Variants in LARP1 observed in about 807,000 individuals in gnomAD.
The protein encoded by LARP1 is La ribonucleoprotein 1, translational regulator, also known as la-related protein 1.
A neutral mutation model predicts 122.7 loss-of-function variants in LARP1; 36 were observed. The ratio of observed to expected loss-of-function variants is 0.29; its 90% confidence interval spans 0.22 to 0.39. LARP1 has a LOEUF of 0.39. LARP1 is among the 10% of genes least tolerant of loss of function. LARP1 has a pLI of 1.00. For synonymous variants in LARP1, 539 were observed against 528.7 expected, an observed-to-expected ratio of 1.02 and a Z score of -0.27; for missense variants, 1,040 against 1,403.6, an observed-to-expected ratio of 0.74 and a Z score of 4.14.
chr5:154,688,767 A>T (rs1754054934), intron 1 of LARP1, among the ~76,000 whole-genome samples: 1 of 151,874 alleles, frequency 6.6e-6, no homozygotes, highest in Non-Finnish European at 1.5e-5. Context: ...TTGAGGCTGC[A>T]GTGAGCCATG....
At chr5:154,800,642 TAAAG>T (rs1758275225) in intron 10 of LARP1, among the ~76,000 whole-genome samples, 3 of 152,236 alleles carry the variant, frequency 2.0e-5, no homozygotes, top group Admixed American at 2.0e-4. Context: ...AGTTCACTGT[TAAAG>T]AAGTATTGCA....
intron 15 of LARP1, 35 bp downstream of exon 15, chr5:154,806,067 G>A: frequency 6.2e-7 from 1 of 1,607,340 alleles, no homozygotes; most frequent in Non-Finnish European, 8.5e-7. Context: ...TGAGCCTCTG[G>A]GCCCGTTATT....
At chr5:154,736,470 A>G in intron 1 of LARP1, among the ~76,000 whole-genome samples, 1 of 151,934 alleles carries the variant, frequency 6.6e-6, no homozygotes, top group Non-Finnish European at 1.5e-5. Flanking sequence ...GCCTCAAGGG[A>G]TCCTCCTACT....
chr5:154,698,670 A>G (rs1474043417), intron 1 of LARP1, among the ~76,000 whole-genome samples: 1 of 152,216 alleles, frequency 6.6e-6, no homozygotes, highest in Non-Finnish European at 1.5e-5. Flanking sequence ...ACTAAAAACA[A>G]TTGAACTTAC....
chr5:154,806,848 T>C (rs889134014), intron 15 of LARP1, among the ~76,000 whole-genome samples: 1 of 152,220 alleles, frequency 6.6e-6, no homozygotes, highest in African/African-American at 2.4e-5. Flanking sequence ...ACCTAAAGAA[T>C]ACAATGTAAT....
intron 1 of LARP1, among the ~76,000 whole-genome samples, chr5:154,789,361 G>C (rs1054873054): frequency 6.6e-6 from 1 of 150,506 alleles, no homozygotes; most frequent in African/African-American, 2.4e-5. Flanking sequence ...CTGGGATTAC[G>C]GGCGCCCACC....
At chr5:154,749,407 C>G (rs1348643418) in intron 1 of LARP1, among the ~76,000 whole-genome samples, 1 of 152,196 alleles carries the variant, frequency 6.6e-6, no homozygotes, top group Non-Finnish European at 1.5e-5. Flanking sequence ...TCCTTGACCA[C>G]CCCTCTTCCT....
chr5:154,766,745 G>A (rs1754988709), intron 1 of LARP1, among the ~76,000 whole-genome samples: 2 of 152,168 alleles, frequency 1.3e-5, no homozygotes, highest in African/African-American at 4.8e-5. Flanking sequence ...TGAGAACAGT[G>A]GGTTTGCATT....
At chr5:154,798,425 A>C (rs541290275) in intron 8 of LARP1, among the ~76,000 whole-genome samples, 2 of 152,232 alleles carry the variant, frequency 1.3e-5, no homozygotes, top group African/African-American at 4.8e-5. Flanking sequence ...GTAGCAGTAT[A>C]TAATAGAAAG....
intron 1 of LARP1, among the ~76,000 whole-genome samples, chr5:154,769,072 C>T (rs896147887): frequency 6.6e-6 from 1 of 152,196 alleles, no homozygotes; most frequent in Admixed American, 6.5e-5. Flanking sequence ...CTCCTGACCT[C>T]AGGTGATTCG....
intron 1 of LARP1, among the ~76,000 whole-genome samples, chr5:154,772,677 A>G (rs1755537886): frequency 6.6e-6 from 1 of 152,160 alleles, no homozygotes; most frequent in Admixed American, 6.5e-5. Flanking sequence ...CTCCTTCTCA[A>G]AATATCTTTT....
intron 15 of LARP1, among the ~76,000 whole-genome samples, chr5:154,807,246 G>T (rs1383012372): frequency 6.6e-6 from 1 of 152,106 alleles, no homozygotes; most frequent in Non-Finnish European, 1.5e-5. Context: ...CAGTTGATTG[G>T]CATTTGGGTT....
chr5:154,711,747 T>C (rs953478994), upstream of LARP1, among the ~76,000 whole-genome samples: 4 of 152,190 alleles, frequency 2.6e-5, no homozygotes, highest in African/African-American at 9.6e-5. Context: ...GGTACAGGGA[T>C]TGGACTATAT....
At chr5:154,712,905 A>AC (rs955909044) in exon 1 of LARP1, 1 of 1,607,152 alleles carries the variant, frequency 6.2e-7, no homozygotes, top group African/African-American at 1.3e-5. Flanking sequence ...CCACATAGTG[A>AC]CCCCAGGCCC....
At chr5:154,723,778 C>T (rs1189022050) in intron 1 of LARP1, among the ~76,000 whole-genome samples, 1 of 152,188 alleles carries the variant, frequency 6.6e-6, no homozygotes, top group African/African-American at 2.4e-5. Flanking sequence ...AAACCCAGGT[C>T]TGTCTTTATT....
Position 154,802,382 on chromosome 5 carries a change from G to T in LARP1, c.2092G>T (p.Glu698Ter). 6.2e-7 allele frequency: 1 copy of T among 1,604,250 alleles called. No individual in the cohort carries two copies. Among genetic ancestry groups the T allele is most frequent in the South Asian group, 1.1e-5 (1 of 89,446 alleles). ...CCTGTGGGCTGAAAAGTTTGAACCT[G>T]AGTATTCCCAGATCAAGGTGAGGCT... ...QDLWAEKFEP[E>*]YSQIKQEVEN... is the part of the protein sequence containing the mutation. Residue 698 changes from glutamate to a stop codon, truncating the protein, a stop_gained, in exon 11 of 19, where the codon GAG becomes TAG. Transcript: ENST00000518297. LOFTEE classifies it high-confidence loss of function. The surrounding 1 kb of genome is among the most constrained non-coding windows in gnomAD (Gnocchi z 5.1).
chr5:154,734,712 T>G (rs1193563840), intron 1 of LARP1, among the ~76,000 whole-genome samples: 1 of 152,166 alleles, frequency 6.6e-6, no homozygotes, highest in Non-Finnish European at 1.5e-5. Context: ...GTTAACCATC[T>G]TTAAGTGTAC....
At chr5:154,804,068 T>C in intron 13 of LARP1, 133 bp from the exon 14 acceptor site, 1 of 727,624 alleles carries the variant, frequency 1.4e-6, no homozygotes, top group Non-Finnish European at 2.4e-6. Flanking sequence ...ACTGTGAACT[T>C]TATACGAGAA....
chr5:154,693,018 T>G (rs1315252060), intron 1 of LARP1, among the ~76,000 whole-genome samples: 2 of 136,706 alleles, frequency 1.5e-5, no homozygotes, highest in African/African-American at 5.8e-5. Context: ...AGAGACAAAG[T>G]CTCATTATGT....
Sources: allele counts gnomAD v4.1 joint callset (sites outside exome capture counted in the v4.1 genomes callset), GRCh38; gene constraint gnomAD v4.1.1; non-coding constraint Gnocchi (gnomAD v3.1); transcripts MANE v1.5; gene names NCBI Gene and HGNC (gene_info 2026-07-23, HGNC 2026-07-21).